The following ESRRG variants were observed in gnomAD, a reference collection of about 807,000 sequenced individuals.
The protein encoded by ESRRG is estrogen related receptor gamma.
Under a neutral mutation model 44.0 loss-of-function variants are expected in ESRRG, and 13 were observed. That is an observed-to-expected ratio of 0.30 (90% confidence interval 0.19 to 0.47). The LOEUF (loss-of-function observed/expected upper bound fraction) is 0.47, where lower values mean the gene tolerates loss of function less well. Among genes scored for constraint, ESRRG ranks in the 20% least tolerant of loss-of-function variants. ESRRG has a pLI of 1.00. For missense variants in ESRRG, 395 were observed against 580.6 expected, an observed-to-expected ratio of 0.68 and a Z score of 3.29; for synonymous variants, 215 against 214.6, an observed-to-expected ratio of 1.00 and a Z score of -0.02.
chr1:216,726,582 A>G (rs1411881302), upstream of ESRRG, among the ~76,000 whole-genome samples: 1 of 152,320 alleles, frequency 6.6e-6, no homozygotes, highest in South Asian at 2.1e-4. Flanking sequence ...ATACACATAT[A>G]TTCCCAGTCT....
intron 2 of ESRRG, among the ~76,000 whole-genome samples, chr1:216,785,627 C>A (rs2094100162): frequency 6.6e-6 from 1 of 151,842 alleles, no homozygotes. Flanking sequence ...ACCAAACAAC[C>A]AAAAATGGTT....
At chr1:216,526,281 A>G (rs2047619961) in intron 5 of ESRRG, among the ~76,000 whole-genome samples, 1 of 152,156 alleles carries the variant, frequency 6.6e-6, no homozygotes, top group African/African-American at 2.4e-5. Context: ...TTATTTGGAA[A>G]TAGGGTCTTT....
At chr1:217,103,586 C>T (rs113271598) in intron 1 of ESRRG, among the ~76,000 whole-genome samples, 6,303 of 151,738 alleles carry the variant, frequency 0.042, 272 homozygotes, top group African/African-American at 0.11. Flanking sequence ...TCAGCCCAGG[C>T]GTTTGAGGCT....
At chr1:216,781,901 C>A (rs898732494) in intron 2 of ESRRG, among the ~76,000 whole-genome samples, 1 of 151,958 alleles carries the variant, frequency 6.6e-6, no homozygotes, top group African/African-American at 2.4e-5. Flanking sequence ...CAAATGCTGG[C>A]GATTTCAAGG....
At chr1:216,705,684 C>T (rs1246117944) in intron 1 of ESRRG, among the ~76,000 whole-genome samples, 1 of 152,190 alleles carries the variant, frequency 6.6e-6, no homozygotes, top group Non-Finnish European at 1.5e-5. Context: ...CACCCAGGAC[C>T]AAGGGAGCAG....
At chr1:216,903,381 G>A (rs1445171347) in intron 2 of ESRRG, among the ~76,000 whole-genome samples, 1 of 151,956 alleles carries the variant, frequency 6.6e-6, no homozygotes, top group Non-Finnish European at 1.5e-5. Context: ...GTGTGTTTGT[G>A]TGTCTGTGGC....
chr1:217,066,563 A>T (rs1465931421), intron 1 of ESRRG, among the ~76,000 whole-genome samples: 1 of 152,134 alleles, frequency 6.6e-6, no homozygotes, highest in African/African-American at 2.4e-5. Flanking sequence ...AATTCTAATC[A>T]TGAAAGCAGC....
chr1:216,782,074 T>C (rs1395472240), intron 2 of ESRRG, among the ~76,000 whole-genome samples: 1 of 152,098 alleles, frequency 6.6e-6, no homozygotes. Context: ...TGACACACCA[T>C]TTCTTCCAGC....
intron 3 of ESRRG, among the ~76,000 whole-genome samples, chr1:216,597,990 T>C (rs1369309400): frequency 6.6e-6 from 1 of 152,208 alleles, no homozygotes; most frequent in Non-Finnish European, 1.5e-5. Context: ...CATATAGGCT[T>C]TTCCCTTCTT....
rs182117435 is a variant in ESRRG, at chr1:216,672,430, T to G, written c.472+4646A>C. On this transcript the variant is annotated intron_variant, in intron 2 of 6. Coordinates refer to ENST00000408911, the MANE Select transcript of ESRRG (RefSeq NM_001438.4). ...GTCTTTCACAACAGAAATAGCACATTCAGCTCTGAAAAGAACAATTTGTAT... is the reference window on the plus strand; with the variant it reads ...GTCTTTCACAACAGAAATAGCACATGCAGCTCTGAAAAGAACAATTTGTAT... Among the ~76,000 whole-genome samples the G allele has an allele frequency of 3.3e-5, 5 of 152,354 alleles. No individual in the cohort carries two copies. The East Asian group carries it at 7.7e-4, about 23-fold the overall frequency.
intron 1 of ESRRG, among the ~76,000 whole-genome samples, chr1:217,026,912 C>CAGAGAGAGAGAGAGAGAGAGAG (rs71163786): frequency 2.1e-5 from 2 of 93,470 alleles, no homozygotes; most frequent in African/African-American, 4.0e-5. Context: ...CACACACACA[C>CAGAGAGAGAGAGAGAGAGAGAG]AGAGAGAGAG....
intron 2 of ESRRG, among the ~76,000 whole-genome samples, chr1:216,770,417 A>G (rs1238519133): frequency 1.3e-5 from 2 of 152,114 alleles, no homozygotes; most frequent in African/African-American, 4.8e-5. Context: ...AGATGTTTGC[A>G]TCTCTTCACC....
At chr1:216,736,176 AT>A (rs34469625) in intron 2 of ESRRG, among the ~76,000 whole-genome samples, 2,147 of 82,654 alleles carry the variant, frequency 0.026, 18 homozygotes, top group African/African-American at 0.065. Flanking sequence ...GTTAAGGACT[AT>A]TTTTTTTTTT....
Position 216,507,113 on chromosome 1 carries a change from A to G in ESRRG, c.1203T>C (p.Asp401=). Residue 401 remains aspartate, a synonymous_variant, in exon 7 of 7, where the codon GAT becomes GAC. Transcript: ENST00000408911. ...CTTCCATGTGCTGGCCAGCTTCATA[A>G]TCCTGCAGCGCTTCATGTAAGACAT... ...LQDVLHEALQ[D]YEAGQHMEDP... is the part of the protein sequence containing the mutation. 6.2e-7 allele frequency: 1 copy of G among 1,613,912 alleles called. No individual in the cohort carries two copies. Among genetic ancestry groups the G allele is most frequent in the South Asian group, 1.1e-5 (1 of 91,072 alleles).
intron 1 of ESRRG, among the ~76,000 whole-genome samples, chr1:217,026,213 C>T (rs987567322): frequency 1.3e-5 from 2 of 152,178 alleles, no homozygotes; most frequent in African/African-American, 4.8e-5. Flanking sequence ...TGTGTGACGG[C>T]CACAGCTCTA....
At chr1:216,742,998 T>G (rs979929004) in intron 2 of ESRRG, among the ~76,000 whole-genome samples, 1 of 152,160 alleles carries the variant, frequency 6.6e-6, no homozygotes, top group Non-Finnish European at 1.5e-5. Flanking sequence ...TTGTTAAAGA[T>G]GAAATTATTA....
intron 2 of ESRRG, among the ~76,000 whole-genome samples, chr1:216,882,742 AAT>A (rs1221587890): frequency 1.3e-5 from 2 of 152,198 alleles, no homozygotes; most frequent in Admixed American, 1.3e-4. Context: ...GAAGAAAAAT[AAT>A]AGAGTTTTTA....
intron 1 of ESRRG, among the ~76,000 whole-genome samples, chr1:216,969,821 G>C (rs1368935114): frequency 6.6e-6 from 1 of 152,106 alleles, no homozygotes; most frequent in African/African-American, 2.4e-5. Context: ...CTGACCTCAG[G>C]TGATCCGCCC....
At chr1:216,766,126 G>A (rs1354617832) in intron 2 of ESRRG, among the ~76,000 whole-genome samples, 3 of 152,076 alleles carry the variant, frequency 2.0e-5, no homozygotes, top group African/African-American at 7.2e-5. Flanking sequence ...TCACGGAGGT[G>A]CACTCACATG....
Sources: gnomAD v4.1 joint callset for allele counts (sites outside exome capture counted in the v4.1 genomes callset) on GRCh38, gnomAD v4.1.1 for gene constraint, MANE v1.5 for transcripts, NCBI Gene and HGNC (gene_info 2026-07-23, HGNC 2026-07-21) for gene names.